The following SERPINI2 variants were observed in gnomAD, a reference collection of about 807,000 sequenced individuals.
SERPINI2 encodes serpin I2.
In SERPINI2, 48 loss-of-function variants were observed where a neutral mutation model predicts 47.3. The ratio of observed to expected loss-of-function variants is 1.02; its 90% confidence interval spans 0.81 to 1.29. The LOEUF (loss-of-function observed/expected upper bound fraction) is 1.29, where lower values mean the gene tolerates loss of function less well. Among genes scored for constraint, SERPINI2 ranks in the 50% most tolerant of loss-of-function variants. The pLI is 0.00. For missense variants in SERPINI2, 448 were observed against 456.9 expected, an observed-to-expected ratio of 0.98 and a Z score of 0.18; for synonymous variants, 135 against 149.3, an observed-to-expected ratio of 0.90 and a Z score of 0.70.
At chr3:167,454,555 A>G (rs543636329) in intron 5 of SERPINI2, among the ~76,000 whole-genome samples, 1 of 152,204 alleles carries the variant, frequency 6.6e-6, no homozygotes, top group Non-Finnish European at 1.5e-5. Flanking sequence ...AGGGTGGAGA[A>G]TATATGTTCT....
upstream of SERPINI2, among the ~76,000 whole-genome samples, chr3:167,475,819 A>G (rs1316418499): frequency 6.6e-6 from 1 of 151,704 alleles, no homozygotes; most frequent in Non-Finnish European, 1.5e-5. Context: ...AAGCCTAGGA[A>G]TATATATAAA....
At chr3:167,442,210 ATACTT>A in intron 8 of SERPINI2, 25 bp from the exon 9 acceptor site, 1 of 1,511,146 alleles carries the variant, frequency 6.6e-7, no homozygotes, top group Non-Finnish European at 8.9e-7. Context: ...ACAAAAAAAT[ATACTT>A]TAGGAATTTC....
At position 167,453,092 on chromosome 3, in the gene SERPINI2, A is replaced by G. The variant is rs1229313688; in HGVS notation, c.867-59T>C. 8.2e-6 allele frequency: 7 copies of G among 852,384 alleles called. 1 individual carries two copies. In the South Asian group the frequency reaches 9.7e-5, roughly 12 times the overall value. 52.8% of individuals were successfully genotyped at this position (852,384 alleles called of 1,614,324 possible). On this transcript the variant is annotated intron_variant, in intron 5 of 8. Transcript: ENST00000264677. Reference sequence around the variant, plus strand: ...TGAAACACTGCACATTTTTGCTACCAATTTTTTAATGGATGACTTAGAGGA... The same window carrying G: ...TGAAACACTGCACATTTTTGCTACCGATTTTTTAATGGATGACTTAGAGGA...
rs79252852 is a variant in SERPINI2, at chr3:167,445,563, G to C, written c.1141+829C>G. On this transcript the variant is annotated intron_variant, in intron 8 of 8. Coordinates refer to ENST00000264677, the Ensembl canonical transcript of SERPINI2. ...AGCCCAACCCAATTTCACACCCTCT[G>C]TCTATAGGGAAACTGATACTATGTG... is the stretch of plus-strand genomic sequence containing the variant. 1.3e-3 allele frequency among the ~76,000 whole-genome samples: 202 copies of C among 152,282 alleles called. 5 individuals are homozygous for C. The East Asian group carries it at 0.03, about 23-fold the overall frequency.
intron 5 of SERPINI2, among the ~76,000 whole-genome samples, chr3:167,455,585 AC>A (rs1204700838): frequency 7.1e-6 from 1 of 140,448 alleles, no homozygotes; most frequent in African/African-American, 2.8e-5. Context: ...ATAAAGAAAT[AC>A]GAGTCTCAAA....
At chr3:167,462,780 T>C (rs958575132) in intron 5 of SERPINI2, among the ~76,000 whole-genome samples, 2 of 152,046 alleles carry the variant, frequency 1.3e-5, no homozygotes, top group African/African-American at 4.8e-5. Flanking sequence ...ACGTTCAAAG[T>C]TGTCTACACT....
chr3:167,457,159 T>G (rs1338457032), intron 5 of SERPINI2, among the ~76,000 whole-genome samples: 3 of 152,188 alleles, frequency 2.0e-5, no homozygotes, highest in Non-Finnish European at 4.4e-5. Context: ...ATACTATACT[T>G]TTGAATAGAA....
chr3:167,455,177 C>G (rs1749749627), intron 5 of SERPINI2, among the ~76,000 whole-genome samples: 1 of 152,026 alleles, frequency 6.6e-6, no homozygotes, highest in South Asian at 2.1e-4. Flanking sequence ...GAACAGCAGG[C>G]AAAAGTAGAA....
In SERPINI2 at chr3:167,471,813, T is replaced by C. The variant is rs147576944; in HGVS notation, c.22A>G (p.Ser8Gly). 5.6e-5 allele frequency: 91 copies of C among 1,611,196 alleles called. No individual in the cohort carries two copies. In the African/African-American group the frequency reaches 1.1e-3, roughly 20 times the overall value. The change falls in exon 2 of 9, where the codon AGT (serine) becomes GGT (glycine). Residue 8 changes from serine (S) to glycine (G), a missense_variant. By Grantham distance (56) the Ser-to-Gly change is moderately conservative. Coordinates refer to ENST00000264677, the Ensembl canonical transcript of SERPINI2. Reference sequence around the variant, plus strand: ...CTTCCAAAAAACAGCAATAGAAGACTCCACAAGAAGATTGTGTCCATTTTG... The same window carrying C: ...CTTCCAAAAAACAGCAATAGAAGACCCCACAAGAAGATTGTGTCCATTTTG...
intron 1 of SERPINI2, among the ~76,000 whole-genome samples, chr3:167,472,059 A>G (rs1376672042): frequency 6.6e-6 from 1 of 152,128 alleles, no homozygotes; most frequent in Non-Finnish European, 1.5e-5. Context: ...CCAGTAGAAA[A>G]TATACTTGTA....
chr3:167,442,855 G>A (rs1352096211), intron 8 of SERPINI2, among the ~76,000 whole-genome samples: 1 of 152,216 alleles, frequency 6.6e-6, no homozygotes, highest in Non-Finnish European at 1.5e-5. Flanking sequence ...GTTAAGAGAA[G>A]TGGCCTAAAT....
intron 5 of SERPINI2, among the ~76,000 whole-genome samples, chr3:167,453,759 C>T (rs982450707): frequency 3.9e-4 from 59 of 151,630 alleles, no homozygotes; most frequent in African/African-American, 1.3e-3. Flanking sequence ...CCTTAATTTG[C>T]CTCACCTGTG....
chr3:167,455,385 T>C (rs983525793), intron 5 of SERPINI2, among the ~76,000 whole-genome samples: 1 of 152,166 alleles, frequency 6.6e-6, no homozygotes, highest in Non-Finnish European at 1.5e-5. Flanking sequence ...AAGAATGACC[T>C]ACTTCTGGCC....
intron 6 of SERPINI2, among the ~76,000 whole-genome samples, chr3:167,450,493 C>T (rs1749612063): frequency 6.6e-6 from 1 of 152,164 alleles, no homozygotes; most frequent in Non-Finnish European, 1.5e-5. Context: ...ACAAAGGAAG[C>T]ATGCTCTAGA....
At chr3:167,450,099 C>T (rs1749602656) in intron 6 of SERPINI2, among the ~76,000 whole-genome samples, 1 of 152,152 alleles carries the variant, frequency 6.6e-6, no homozygotes, top group Non-Finnish European at 1.5e-5. Context: ...AACCTCAAAG[C>T]CAAAGTGCCT....
upstream of SERPINI2, among the ~76,000 whole-genome samples, chr3:167,474,598 TA>T (rs752534288): frequency 6.6e-6 from 1 of 151,702 alleles, no homozygotes; most frequent in Non-Finnish European, 1.5e-5. Flanking sequence ...ATATGTTCTT[TA>T]TTCTGAGCAG....
intron 8 of SERPINI2, among the ~76,000 whole-genome samples, chr3:167,442,424 G>T (rs998516253): frequency 6.6e-6 from 1 of 152,078 alleles, no homozygotes; most frequent in African/African-American, 2.4e-5. Flanking sequence ...CATGGAAAAA[G>T]CATTAATCCT....
chr3:167,450,076 AC>A (rs1192099892), intron 6 of SERPINI2, among the ~76,000 whole-genome samples: 1 of 152,110 alleles, frequency 6.6e-6, no homozygotes, highest in African/African-American at 2.4e-5. Flanking sequence ...AATTAATCCC[AC>A]CCTGTATATT....
chr3:167,461,232 T>A (rs932314401), intron 5 of SERPINI2, among the ~76,000 whole-genome samples: 2 of 152,206 alleles, frequency 1.3e-5, no homozygotes, highest in East Asian at 3.9e-4. Context: ...TGGGCAGTGA[T>A]CTTTTTAACA....
Sources: gnomAD v4.1 joint callset for allele counts (sites outside exome capture counted in the v4.1 genomes callset) on GRCh38, gnomAD v4.1.1 for gene constraint, MANE v1.5 for transcripts, NCBI Gene and HGNC (gene_info 2026-07-23, HGNC 2026-07-21) for gene names.